ADAMTS9: variants seen among roughly 807,000 people sequenced by gnomAD.
ADAMTS9 encodes ADAM metallopeptidase with thrombospondin type 1 motif 9, also known as A disintegrin and metalloproteinase with thrombospondin motifs 9.
ADAMTS9 carries 107 observed loss-of-function variants against 257.1 expected under a neutral mutation model. That is an observed-to-expected ratio of 0.42 (90% CI 0.36 to 0.49). The LOEUF is 0.49. Ranked by LOEUF, ADAMTS9 falls within the 20% of genes least tolerant of loss-of-function variation. ADAMTS9 has a pLI of 0.03. For missense variants in ADAMTS9, 2,353 were observed against 2,469.1 expected (o/e 0.95, Z 1.00); for synonymous variants, 982 against 880.9 (o/e 1.11, Z -2.03).
intron 12 of ADAMTS9, among the ~76,000 whole-genome samples, chr3:64,636,833 T>A (rs1700512621): frequency 6.6e-6 from 1 of 152,208 alleles, no homozygotes; most frequent in Non-Finnish European, 1.5e-5. Flanking sequence ...GGAGACCACA[T>A]AAACCTCAAA....
chr3:64,536,924 GA>G (rs957309254), intron 37 of ADAMTS9, among the ~76,000 whole-genome samples: 40 of 152,312 alleles, frequency 2.6e-4, no homozygotes, highest in African/African-American at 9.4e-4. Flanking sequence ...TGAGGTAAAA[GA>G]AAGAAATTCT....
At chr3:64,545,052 A>T (rs1181201126) in intron 32 of ADAMTS9, among the ~76,000 whole-genome samples, 1 of 152,192 alleles carries the variant, frequency 6.6e-6, no homozygotes, top group African/African-American at 2.4e-5. Context: ...TCAAAACCAC[A>T]ATGAGATACC....
intron 39 of ADAMTS9, among the ~76,000 whole-genome samples, chr3:64,517,416 G>GTTTTTTTTTTTTTCTTTTTTTTTT (rs2082789833): frequency 1.9e-5 from 1 of 52,638 alleles, no homozygotes; most frequent in Non-Finnish European, 3.8e-5. Flanking sequence ...ATTAAAAATG[G>GTTTTTTTTTTTTTCTTTTTTTTTT]TTTTTTTTTT....
chr3:64,644,954 A>C (rs1435258594), intron 11 of ADAMTS9, among the ~76,000 whole-genome samples: 1 of 152,226 alleles, frequency 6.6e-6, no homozygotes, highest in Admixed American at 6.5e-5. Flanking sequence ...TATGGAAATT[A>C]AATATTTCTC....
At chr3:64,606,169 A>G (rs1194642906) in intron 23 of ADAMTS9, among the ~76,000 whole-genome samples, 2 of 152,250 alleles carry the variant, frequency 1.3e-5, no homozygotes, top group African/African-American at 2.4e-5. Context: ...GAATATTTCC[A>G]CATCCTTTTG....
intron 16 of ADAMTS9, among the ~76,000 whole-genome samples, chr3:64,623,235 C>T (rs1700149701): frequency 6.6e-6 from 1 of 152,194 alleles, no homozygotes; most frequent in South Asian, 2.1e-4. Flanking sequence ...AATGCAGAAA[C>T]AACAGAACCT....
intron 30 of ADAMTS9, among the ~76,000 whole-genome samples, chr3:64,560,536 A>T (rs2083402195): frequency 6.6e-6 from 1 of 152,174 alleles, no homozygotes; most frequent in African/African-American, 2.4e-5. Flanking sequence ...TGCTTCTTCC[A>T]CTTGCTAGGT....
chr3:64,642,090 C>A, intron 11 of ADAMTS9, 97 bp from the exon 12 acceptor site: 1 of 1,384,924 alleles, frequency 7.2e-7, no homozygotes, highest in South Asian at 1.3e-5. Context: ...AATTCTTTTC[C>A]ATGTGTGGGT....
At chr3:64,647,342 T>C (rs1700823548) in intron 11 of ADAMTS9, among the ~76,000 whole-genome samples, 2 of 152,196 alleles carry the variant, frequency 1.3e-5, no homozygotes, top group Non-Finnish European at 2.9e-5. Context: ...CCTAGGTGCA[T>C]GAGACACTGT....
chr3:64,604,848 A>C (rs935348606), intron 23 of ADAMTS9, among the ~76,000 whole-genome samples: 1 of 152,250 alleles, frequency 6.6e-6, no homozygotes, highest in Admixed American at 6.5e-5. Context: ...CCTGGACTTC[A>C]TATAACACCC....
At chr3:64,669,783 A>G (rs1701441353) in intron 3 of ADAMTS9, among the ~76,000 whole-genome samples, 1 of 152,176 alleles carries the variant, frequency 6.6e-6, no homozygotes, top group Non-Finnish European at 1.5e-5. Context: ...CTGATGTTAA[A>G]TTATATTAAG....
At chr3:64,631,786 G>T in intron 15 of ADAMTS9, 22 bp downstream of exon 15, 1 of 1,578,704 alleles carries the variant, frequency 6.3e-7, no homozygotes, top group Non-Finnish European at 8.7e-7. Context: ...CCTTCTCATG[G>T]TTCTTAGGAG....
At position 64,686,907 on chromosome 3, in the gene ADAMTS9, G is replaced by A; in HGVS notation, c.177C>T (p.Leu59=). ...EIVSPIRVNA[L]GEPFPTNVHF... ...GGACGTTCGTGGGAAAGGGTTCTCCGAGAGCGTTCACTCGGATGGGAGACA... is the reference window on the plus strand; with the variant it reads ...GGACGTTCGTGGGAAAGGGTTCTCCAAGAGCGTTCACTCGGATGGGAGACA... Residue 59 remains leucine (L), a synonymous_variant, in exon 2 of 40, where the codon CTC becomes CTT. Transcript: ENST00000498707. This position sits in a 1 kb window ranked among gnomAD's most constrained non-coding sequence, Gnocchi z 4.6. 1 of 1,614,196 alleles carries A rather than the reference G, an allele frequency of 6.2e-7. No homozygotes were observed. Among genetic ancestry groups the A allele is most frequent in the Non-Finnish European group, 8.5e-7 (1 of 1,180,046 alleles).
chr3:64,526,600 C>T (rs969327924), intron 38 of ADAMTS9, among the ~76,000 whole-genome samples: 8 of 152,184 alleles, frequency 5.3e-5, no homozygotes, highest in Non-Finnish European at 2.9e-5. Context: ...CTTCACGATA[C>T]AGGCAGACAA....
At chr3:64,544,733 T>G (rs1256066220) in intron 32 of ADAMTS9, among the ~76,000 whole-genome samples, 1 of 151,910 alleles carries the variant, frequency 6.6e-6, no homozygotes, top group Non-Finnish European at 1.5e-5. Context: ...AACACCAAAA[T>G]CAATGGCAAC....
chr3:64,543,508 C>T (rs2083155087), intron 32 of ADAMTS9, among the ~76,000 whole-genome samples: 1 of 152,110 alleles, frequency 6.6e-6, no homozygotes, highest in African/African-American at 2.4e-5. Context: ...CAGAACCAAA[C>T]ACAAAAACCA....
At chr3:64,614,593 C>T (rs1204813609) in intron 21 of ADAMTS9, among the ~76,000 whole-genome samples, 2 of 152,192 alleles carry the variant, frequency 1.3e-5, no homozygotes, top group African/African-American at 4.8e-5. Flanking sequence ...TATTTCCCTT[C>T]TTCCCCTTAA....
chr3:64,656,939 AGG>A (rs1449422868), intron 4 of ADAMTS9, among the ~76,000 whole-genome samples: 1 of 87,884 alleles, frequency 1.1e-5, no homozygotes, highest in Non-Finnish European at 2.5e-5. Context: ...GTTTCAGTTC[AGG>A]TAAATCAGGG....
intron 26 of ADAMTS9, among the ~76,000 whole-genome samples, chr3:64,598,710 T>A (rs974647570): frequency 8.5e-5 from 13 of 152,194 alleles, no homozygotes; most frequent in African/African-American, 3.1e-4. Context: ...GGGACCAGAA[T>A]TTTAAATGTT....
Sources: gnomAD v4.1 joint callset for allele counts (sites outside exome capture counted in the v4.1 genomes callset) on GRCh38, gnomAD v4.1.1 for gene constraint, Gnocchi (gnomAD v3.1) non-coding constraint, MANE v1.5 for transcripts, NCBI Gene and HGNC (gene_info 2026-07-23, HGNC 2026-07-21) for gene names.